The following STON1 variants were observed in gnomAD, a reference collection of about 807,000 sequenced individuals.
STON1 encodes stonin 1.
STON1 carries 79 observed loss-of-function variants against 60.9 expected under a neutral mutation model. The ratio of observed to expected loss-of-function variants is 1.30; its 90% CI spans 1.08 to 1.56. The LOEUF (loss-of-function observed/expected upper bound fraction) is 1.56, where lower values mean the gene tolerates loss of function less well. STON1 is among the 40% of genes most tolerant of loss of function. The pLI is 0.00. For synonymous variants in STON1, 363 were observed against 306.9 expected (o/e 1.18, Z -1.91); for missense variants, 1,166 against 858.9 (o/e 1.36, Z -4.47).
At position 48,598,183 on chromosome 2, in the gene STON1, C is replaced by T. The variant is rs1674867672; in HGVS notation, c.*2881C>T. 1 of 152,088 alleles carries T rather than the reference C, an allele frequency of 6.6e-6. No individual in the cohort carries two copies. Among genetic ancestry groups the T allele is most frequent in the Admixed American group, 6.5e-5 (1 of 15,270 alleles). The allele number at this position is 152,088 out of a possible 1,614,324, so 9.4% of individuals were successfully genotyped here. A position where few individuals can be genotyped will look rare whatever the true frequency, so the allele number is the denominator to read the frequency against. On this transcript the variant is annotated 3_prime_UTR_variant, in exon 4 of 4. Transcript: ENST00000404752. Reference sequence around the variant, plus strand: ...GAACATTTCCTTTTTCTGTGGGAATCACAAGAGTTTATCCACTAAAAAAAG... The same window carrying T: ...GAACATTTCCTTTTTCTGTGGGAATTACAAGAGTTTATCCACTAAAAAAAG...
At chr2:48,559,967 A>T (rs1001112833) in intron 1 of STON1, among the ~76,000 whole-genome samples, 2 of 152,234 alleles carry the variant, frequency 1.3e-5, no homozygotes, top group African/African-American at 4.8e-5. Flanking sequence ...ATCTGAATGC[A>T]GCTTGTTTTG....
intron 2 of STON1, among the ~76,000 whole-genome samples, chr2:48,585,472 C>T (rs994375299): frequency 6.6e-6 from 1 of 152,098 alleles, no homozygotes; most frequent in South Asian, 2.1e-4. Flanking sequence ...TGGTCTCGAA[C>T]TCCCAACCTC....
Position 48,564,566 on chromosome 2 carries a change from TCTCC to T in STON1, c.-47-16020_-47-16017del, listed in dbSNP as rs1558605636. On this transcript the variant is annotated intron_variant, in intron 1 of 3. Coordinates refer to ENST00000404752, the MANE Select transcript of STON1 (RefSeq NM_006873.4). Reference sequence around the variant, plus strand: ...TTCTTCTTCTTCTTCTTCTTCTTCTTCTCCTTCTCCTTCTCCTCCTCCTCCTCCT... The same window carrying T: ...TTCTTCTTCTTCTTCTTCTTCTTCTTTTCTCCTTCTCCTCCTCCTCCTCCT... Among the ~76,000 whole-genome samples, 11 of 53,164 alleles carry T rather than the reference TCTCC, an allele frequency of 2.1e-4. 1 individual carries two copies. Among genetic ancestry groups the T allele is most frequent in the Non-Finnish European group, 3.4e-4 (9 of 26,814 alleles). The allele number at this position is 53,164 out of a possible 152,430, so 34.9% of individuals were successfully genotyped here. A position where few individuals can be genotyped will look rare whatever the true frequency, so the allele number is the denominator to read the frequency against.
chr2:48,533,358 C>T (rs1368270689), intron 1 of STON1, among the ~76,000 whole-genome samples: 5 of 151,006 alleles, frequency 3.3e-5, no homozygotes, highest in Admixed American at 6.6e-5. Flanking sequence ...TCAGCCTGGG[C>T]GACAGAGCGA....
At chr2:48,574,233 G>A (rs924460934) in intron 1 of STON1, among the ~76,000 whole-genome samples, 1 of 151,878 alleles carries the variant, frequency 6.6e-6, no homozygotes, top group Non-Finnish European at 1.5e-5. Flanking sequence ...AAAATTAGCC[G>A]GGTGTGGTGG....
At chr2:48,544,086 T>G (rs374466805) in intron 1 of STON1, among the ~76,000 whole-genome samples, 1 of 152,222 alleles carries the variant, frequency 6.6e-6, no homozygotes, top group African/African-American at 2.4e-5. Context: ...CTGTGGAATC[T>G]GTATTTGGCT....
intron 1 of STON1, among the ~76,000 whole-genome samples, chr2:48,532,461 G>A (rs575294872): frequency 4.7e-5 from 7 of 148,526 alleles, no homozygotes; most frequent in African/African-American, 1.5e-4. Context: ...AACAACAAAA[G>A]TAAGTCCATA....
At chr2:48,563,115 C>G (rs1383688735) in intron 1 of STON1, among the ~76,000 whole-genome samples, 5 of 152,174 alleles carry the variant, frequency 3.3e-5, no homozygotes, top group Non-Finnish European at 7.3e-5. Flanking sequence ...GGCCCCATGG[C>G]CCTAGGCAGA....
Position 48,531,897 on chromosome 2 carries a change from A to G in STON1, c.-48+1681A>G, listed in dbSNP as rs553092847. 3.3e-5 allele frequency: 5 copies of G among 152,256 alleles called. No individual in the cohort carries two copies. In the East Asian group the frequency reaches 7.7e-4, roughly 23 times the overall value. The allele number at this position is 152,256 out of a possible 1,614,324, so 9.4% of individuals were successfully genotyped here. ...GGTCCAAGTATTGAACCATTTGGAA[A>G]TAAAGATTTTATTTTATTTGAATTC... On this transcript the variant is annotated intron_variant, in intron 1 of 3. Transcript: ENST00000404752.
rs138179455 is a variant in STON1, at chr2:48,582,019, G to A, written c.1386G>A (p.Glu462=). The change falls in exon 2 of 4, where the codon GAG becomes GAA. Residue 462 remains glutamate, a synonymous_variant. Coordinates refer to ENST00000404752, the MANE Select transcript of STON1 (RefSeq NM_006873.4). The part of the protein sequence containing the change: ...LECFLTLNDL[E]LPKRDESYYE... ...GCTTTTTAACCTTGAATGACCTTGAGTTGCCGAAGCGAGATGAATCCTATT... is the reference window on the plus strand; with the variant it reads ...GCTTTTTAACCTTGAATGACCTTGAATTGCCGAAGCGAGATGAATCCTATT... 2 of 1,614,168 alleles carry A rather than the reference G, an allele frequency of 1.2e-6. No individual in the cohort carries two copies. The highest frequency in any genetic ancestry group is 1.7e-6 in the Non-Finnish European group (2 of 1,180,034).
chr2:48,590,882 T>C (rs142027632), intron 2 of STON1, among the ~76,000 whole-genome samples: 51 of 152,316 alleles, frequency 3.3e-4, no homozygotes, highest in African/African-American at 1.1e-3. Context: ...GGAAAAATAA[T>C]TTGTTCCACT....
chr2:48,535,614 G>A (rs746242169), intron 1 of STON1, among the ~76,000 whole-genome samples: 2 of 152,194 alleles, frequency 1.3e-5, no homozygotes, highest in Non-Finnish European at 2.9e-5. Context: ...GGAGGCCGAC[G>A]TGGGGGGATC....
rs928636878 is a variant in STON1, at chr2:48,596,637, C to G, written c.*1335C>G. On this transcript the variant is annotated 3_prime_UTR_variant, in exon 4 of 4. Coordinates refer to ENST00000404752, the MANE Select transcript of STON1 (RefSeq NM_006873.4). ...ACTGATTTAGTGTTCTTCCAAACAACATTTATGTGTTGGCCTACAGAGTTT... is the reference window on the plus strand; with the variant it reads ...ACTGATTTAGTGTTCTTCCAAACAAGATTTATGTGTTGGCCTACAGAGTTT... 1 of 151,938 alleles carries G rather than the reference C, an allele frequency of 6.6e-6. No homozygotes were observed. The highest frequency in any genetic ancestry group is 1.5e-5 in the Non-Finnish European group (1 of 67,986). 9.4% of individuals were successfully genotyped at this position (151,938 alleles called of 1,614,324 possible). A position where few individuals can be genotyped will look rare whatever the true frequency, so the allele number is the denominator to read the frequency against.
At chr2:48,564,407 CTT>C (rs1491201959) in intron 1 of STON1, among the ~76,000 whole-genome samples, 32 of 19,106 alleles carry the variant, frequency 1.7e-3, no homozygotes, top group African/African-American at 4.0e-3. Flanking sequence ...GTGGCGGTGT[CTT>C]CTTCTTCTTC....
At chr2:48,571,469 AACAGGTACATATCTAG>A (rs1424447421) in intron 1 of STON1, among the ~76,000 whole-genome samples, 1 of 152,170 alleles carries the variant, frequency 6.6e-6, no homozygotes, top group Non-Finnish European at 1.5e-5. Flanking sequence ...TTCTGGGAGG[AACAGGTACATATCTAG>A]ACCAACCCTA....
In STON1 at chr2:48,536,771, G is replaced by A. The variant is rs543329624; in HGVS notation, c.-48+6555G>A. Reference sequence around the variant, plus strand: ...CAATTAATACTGACATCTTTACAGTGCTGGCTTTTCCTATCTTCTCCTTTT... The same window carrying A: ...CAATTAATACTGACATCTTTACAGTACTGGCTTTTCCTATCTTCTCCTTTT... On this transcript the variant is annotated intron_variant, in intron 1 of 3. Coordinates refer to ENST00000404752, the MANE Select transcript of STON1 (RefSeq NM_006873.4). Among the ~76,000 whole-genome samples the A allele has an allele frequency of 2.0e-5, 3 of 152,194 alleles. No homozygotes were observed. The South Asian group carries it at 6.2e-4, about 32-fold the overall frequency.
At chr2:48,585,010 A>G (rs1674125322) in intron 2 of STON1, among the ~76,000 whole-genome samples, 1 of 152,034 alleles carries the variant, frequency 6.6e-6, no homozygotes, top group South Asian at 2.1e-4. Flanking sequence ...GACACCCCAT[A>G]CCCTTCTTCA....
intron 1 of STON1, among the ~76,000 whole-genome samples, chr2:48,565,533 G>A (rs1672904469): frequency 6.6e-6 from 1 of 152,180 alleles, no homozygotes; most frequent in Admixed American, 6.5e-5. Flanking sequence ...AGGGAATTGG[G>A]CACAGGGATC....
rs765269985 is a variant in STON1, at chr2:48,580,859, C to G, written c.226C>G (p.Pro76Ala). 10 of 1,565,114 alleles carry G rather than the reference C, an allele frequency of 6.4e-6. No homozygotes were observed. The highest frequency in any genetic ancestry group is 6.9e-6 in the Non-Finnish European group (8 of 1,160,490). Residue 76 changes from proline to alanine, a missense_variant, in exon 2 of 4, where the codon CCA (proline) becomes GCA (alanine). Physicochemically the swap from Pro to Ala is conservative, Grantham distance 27. Transcript: ENST00000404752. ...AGATTTTTATTTCAGTCCAGGACCT[C>G]CAAGTAACTCTCCTCTTTCTACACC... is the stretch of plus-strand genomic sequence containing the variant. Reference protein sequence around the residue: ...IVDFYFSPGPPSNSPLSTPTK... With the variant: ...IVDFYFSPGPASNSPLSTPTK...
Sources: allele counts gnomAD v4.1 joint callset (sites outside exome capture counted in the v4.1 genomes callset), GRCh38; gene constraint gnomAD v4.1.1; transcripts MANE v1.5; gene names NCBI Gene and HGNC (gene_info 2026-07-23, HGNC 2026-07-21).